Variants in MAP2K6 observed in about 807,000 individuals in gnomAD.
The protein encoded by MAP2K6 is dual specificity mitogen-activated protein kinase kinase 6.
In MAP2K6, 16 loss-of-function variants were observed where a neutral mutation model predicts 53.7. The observed-to-expected ratio is 0.30, with a 90% CI of 0.20 to 0.45. MAP2K6 has a LOEUF of 0.45. Ranked by LOEUF, MAP2K6 falls within the 20% of genes least tolerant of loss-of-function variation. The pLI, the probability that MAP2K6 is intolerant of heterozygous loss-of-function variation, is 1.00. For missense variants in MAP2K6, 204 were observed against 411.9 expected, an observed-to-expected ratio of 0.50 and a Z score of 4.37; for synonymous variants, 132 against 143.1, an observed-to-expected ratio of 0.92 and a Z score of 0.55.
At chr17:69,484,043 T>G (rs1472377957) in intron 1 of MAP2K6, among the ~76,000 whole-genome samples, 3 of 152,122 alleles carry the variant, frequency 2.0e-5, no homozygotes, top group African/African-American at 7.2e-5. Context: ...AACGATTTCT[T>G]AGATATAATA....
intron 1 of MAP2K6, among the ~76,000 whole-genome samples, chr17:69,479,768 A>T (rs929827958): frequency 6.9e-6 from 1 of 144,748 alleles, no homozygotes; most frequent in East Asian, 2.0e-4. Flanking sequence ...CTCAGGCTGG[A>T]GTGCAATGGT....
intron 2 of MAP2K6, among the ~76,000 whole-genome samples, chr17:69,508,041 GTTTT>G (rs71144698): frequency 4.5e-5 from 2 of 44,902 alleles, no homozygotes; most frequent in African/African-American, 1.7e-4. Context: ...TATATATGTA[GTTTT>G]TTTTTTTTTT....
In MAP2K6 at chr17:69,546,559, T is replaced by A. The variant is rs1911886545; in HGVS notation, c.*4806T>A. 1 of 152,120 alleles carries A rather than the reference T, an allele frequency of 6.6e-6. No homozygotes were observed. Among genetic ancestry groups the A allele is most frequent in the Non-Finnish European group, 1.5e-5 (1 of 68,020 alleles). The allele number at this position is 152,120 out of a possible 1,614,324, so 9.4% of individuals were successfully genotyped here. A position where few individuals can be genotyped will look rare whatever the true frequency, so the allele number is the denominator to read the frequency against. ...CTCTTAAAAGTGTCTAACAAAACAC[T>A]TTTTTCTTTGGCCTGAAAGGACAAT... On this transcript the variant is annotated 3_prime_UTR_variant, in exon 12 of 12. Coordinates refer to ENST00000590474, the MANE Select transcript of MAP2K6 (RefSeq NM_002758.4).
chr17:69,524,648 A>C (rs1351345346), intron 8 of MAP2K6, among the ~76,000 whole-genome samples: 2 of 152,058 alleles, frequency 1.3e-5, no homozygotes, highest in African/African-American at 4.8e-5. Context: ...TCTTAAGGCA[A>C]ATTTTAAATT....
chr17:69,451,569 G>A lies in MAP2K6; in HGVS notation c.16+36569G>A, dbSNP rs146449259. Among the ~76,000 whole-genome samples the A allele has an allele frequency of 3.6e-4, 55 of 152,330 alleles. No homozygotes were observed. The East Asian group carries it at 8.5e-3, about 24-fold the overall frequency. ...AAGAGGGGAGATTTGCATACAGGAAGTTTACTGGGGAGTGTTCTTGGGACC... is the reference window on the plus strand; with the variant it reads ...AAGAGGGGAGATTTGCATACAGGAAATTTACTGGGGAGTGTTCTTGGGACC... On this transcript the variant is annotated intron_variant, in intron 1 of 11. Coordinates refer to ENST00000590474, the MANE Select transcript of MAP2K6 (RefSeq NM_002758.4).
Position 69,542,145 on chromosome 17 carries a change from T to C in MAP2K6, c.*392T>C, listed in dbSNP as rs1286652497. 1 of 152,906 alleles carries C rather than the reference T, an allele frequency of 6.5e-6. No homozygotes were observed. Among genetic ancestry groups the C allele is most frequent in the African/African-American group, 2.4e-5 (1 of 41,458 alleles). The allele number at this position is 152,906 out of a possible 1,614,324, so 9.5% of individuals were successfully genotyped here. ...GTTTGTCCCATTTATTATTTTAATA[T>C]TTATGTTTAAGTGCTTGGTTGAAAA... On this transcript the variant is annotated 3_prime_UTR_variant, in exon 12 of 12. Coordinates refer to ENST00000590474, the MANE Select transcript of MAP2K6 (RefSeq NM_002758.4).
At chr17:69,428,320 T>G (rs1906338982) in intron 1 of MAP2K6, among the ~76,000 whole-genome samples, 1 of 152,240 alleles carries the variant, frequency 6.6e-6, no homozygotes, top group African/African-American at 2.4e-5. Flanking sequence ...GCTTCTTCCC[T>G]GGCTTCTGGT....
At position 69,550,335 on chromosome 17, in the gene MAP2K6, G is replaced by A. The variant is rs958197483; in HGVS notation, c.*8582G>A. ...TAAAGAAACACAAATACCAAAGCCTGAGCTCCTTAACCTTTTGTTCCAGAG... is the reference window on the plus strand; with the variant it reads ...TAAAGAAACACAAATACCAAAGCCTAAGCTCCTTAACCTTTTGTTCCAGAG... On this transcript the variant is annotated 3_prime_UTR_variant, in exon 12 of 12. Coordinates refer to ENST00000590474, the MANE Select transcript of MAP2K6 (RefSeq NM_002758.4). 2 of 152,128 alleles carry A rather than the reference G, an allele frequency of 1.3e-5. No homozygotes were observed. The highest frequency in any genetic ancestry group is 6.6e-5 in the Admixed American group (1 of 15,264). The allele number at this position is 152,128 out of a possible 1,614,324, so 9.4% of individuals were successfully genotyped here. A position where few individuals can be genotyped will look rare whatever the true frequency, so the allele number is the denominator to read the frequency against.
rs1432078827 is a variant in MAP2K6, at chr17:69,544,296, T to A, written c.*2543T>A. ...CCAGAGAAGCAATATTTTGCACTGT[T>A]ATTAAATATCTTACACGGTAAAGTC... On this transcript the variant is annotated 3_prime_UTR_variant, in exon 12 of 12. Transcript: ENST00000590474. 1 of 152,206 alleles carries A rather than the reference T, an allele frequency of 6.6e-6. No homozygotes were observed. The highest frequency in any genetic ancestry group is 6.5e-5 in the Admixed American group (1 of 15,276). 9.4% of individuals were successfully genotyped at this position (152,206 alleles called of 1,614,324 possible).
chr17:69,490,930 A>G (rs1055848844), intron 1 of MAP2K6, among the ~76,000 whole-genome samples: 19 of 151,370 alleles, frequency 1.3e-4, no homozygotes, highest in African/African-American at 4.4e-4. Context: ...GTGTGTTCTC[A>G]TCATTTAGTT....
chr17:69,499,133 A>G (rs772653732), intron 1 of MAP2K6, among the ~76,000 whole-genome samples: 25 of 152,244 alleles, frequency 1.6e-4, no homozygotes, highest in Non-Finnish European at 3.2e-4. Flanking sequence ...AGAAGTTCCC[A>G]TAGTCAGTGG....
At chr17:69,447,711 T>A (rs979082368) in intron 1 of MAP2K6, among the ~76,000 whole-genome samples, 6 of 152,078 alleles carry the variant, frequency 3.9e-5, no homozygotes, top group African/African-American at 1.2e-4. Flanking sequence ...AGGAAGGAGA[T>A]GAAGAAAGAA....
chr17:69,532,682 A>G (rs1319192138), intron 10 of MAP2K6, among the ~76,000 whole-genome samples: 1 of 152,190 alleles, frequency 6.6e-6, no homozygotes, highest in East Asian at 1.9e-4. Flanking sequence ...TAAAAGATGG[A>G]GAGAATGGGT....
intron 1 of MAP2K6, among the ~76,000 whole-genome samples, chr17:69,426,723 C>T (rs569850045): frequency 9.9e-5 from 15 of 151,000 alleles, no homozygotes; most frequent in African/African-American, 2.4e-4. Flanking sequence ...AACATAGGTA[C>T]GGGAAGGACT....
intron 1 of MAP2K6, among the ~76,000 whole-genome samples, chr17:69,475,294 A>G (rs917169884): frequency 6.1e-5 from 9 of 148,534 alleles, no homozygotes; most frequent in Admixed American, 2.1e-4. Context: ...TCAGCCTCCC[A>G]AGTAGCTGGG....
intron 1 of MAP2K6, among the ~76,000 whole-genome samples, chr17:69,478,076 T>C (rs1908215101): frequency 6.6e-6 from 1 of 152,180 alleles, no homozygotes; most frequent in South Asian, 2.1e-4. Context: ...TTCCAGGAAA[T>C]AGCGGGACTT....
At chr17:69,430,801 C>T (rs923402462) in intron 1 of MAP2K6, among the ~76,000 whole-genome samples, 2 of 152,186 alleles carry the variant, frequency 1.3e-5, no homozygotes, top group Non-Finnish European at 2.9e-5. Context: ...AGCACGCAGT[C>T]TAATGTGAAC....
At chr17:69,419,994 G>A (rs2145125253) in intron 1 of MAP2K6, among the ~76,000 whole-genome samples, 1 of 152,126 alleles carries the variant, frequency 6.6e-6, no homozygotes, top group South Asian at 2.1e-4. Context: ...GTAGAGGTTA[G>A]GTAATCCTGG....
intron 1 of MAP2K6, among the ~76,000 whole-genome samples, chr17:69,448,090 C>G (rs1907035321): frequency 6.6e-6 from 1 of 152,170 alleles, no homozygotes; most frequent in Admixed American, 6.5e-5. Context: ...CCTCTTCTAT[C>G]AATAAACCCT....
Sources: allele counts gnomAD v4.1 joint callset (sites outside exome capture counted in the v4.1 genomes callset), GRCh38; gene constraint gnomAD v4.1.1; transcripts MANE v1.5; gene names NCBI Gene and HGNC (gene_info 2026-07-23, HGNC 2026-07-21).